VEZT: variants seen among roughly 807,000 people sequenced by gnomAD.
The protein encoded by VEZT is vezatin, adherens junctions transmembrane protein, also known as vezatin.
A neutral mutation model predicts 79.9 loss-of-function variants in VEZT; 39 were observed. The observed-to-expected ratio is 0.49, with a 90% CI of 0.38 to 0.64. The LOEUF (loss-of-function observed/expected upper bound fraction) is 0.64, where lower values mean the gene tolerates loss of function less well. VEZT is among the 30% of genes least tolerant of loss of function. VEZT has a pLI of 0.00. For synonymous variants in VEZT, 325 were observed against 327.6 expected, an observed-to-expected ratio of 0.99 and a Z score of 0.09; for missense variants, 837 against 893.1, an observed-to-expected ratio of 0.94 and a Z score of 0.80.
At chr12:95,240,613 T>C (rs2060882210) in intron 1 of VEZT, among the ~76,000 whole-genome samples, 1 of 152,160 alleles carries the variant, frequency 6.6e-6, no homozygotes. Context: ...ATTATTTTGG[T>C]TTTATATTAG....
At chr12:95,247,451 A>T (rs1368462653) in intron 1 of VEZT, among the ~76,000 whole-genome samples, 1 of 152,196 alleles carries the variant, frequency 6.6e-6, no homozygotes, top group Non-Finnish European at 1.5e-5. Flanking sequence ...AGTGTAAAAC[A>T]ATCTGTTCTT....
intron 9 of VEZT, among the ~76,000 whole-genome samples, chr12:95,291,514 A>G (rs962154064): frequency 6.6e-6 from 1 of 152,218 alleles, no homozygotes; most frequent in Non-Finnish European, 1.5e-5. Context: ...CTTGCAGGCC[A>G]TATGGTGTCT....
At chr12:95,231,020 C>T (rs1280515182) in intron 1 of VEZT, among the ~76,000 whole-genome samples, 2 of 152,012 alleles carry the variant, frequency 1.3e-5, no homozygotes, top group East Asian at 3.8e-4. Context: ...AGATTTTGGA[C>T]GTAGGTAGTA....
In VEZT at chr12:95,285,982, CTTTTTTT is replaced by C. The variant is rs869030351; in HGVS notation, c.1329-1662_1329-1656del. Among the ~76,000 whole-genome samples the C allele has an allele frequency of 6.1e-3, 525 of 85,826 alleles. 5 individuals are homozygous for C. The highest frequency in any genetic ancestry group is 0.021 in the African/African-American group (496 of 24,142). 56.3% of individuals were successfully genotyped at this position (85,826 alleles called of 152,430 possible). A position where few individuals can be genotyped will look rare whatever the true frequency, so the allele number is the denominator to read the frequency against. On this transcript the variant is annotated intron_variant, in intron 8 of 11. Transcript: ENST00000436874. ...ACCAAGACGCTCCCCCCGACCCCTT[CTTTTTTT>C]TTTTTTTTTTTTTTTTTTTGAGATA...
chr12:95,292,612 G>C (rs1313790350), intron 9 of VEZT, among the ~76,000 whole-genome samples: 1 of 148,010 alleles, frequency 6.8e-6, no homozygotes, highest in African/African-American at 2.5e-5. Flanking sequence ...GCAGTGGCGC[G>C]ATCTCGCCTC....
intron 7 of VEZT, 59 bp downstream of exon 7, chr12:95,274,948 T>C (rs1349870460): frequency 6.4e-7 from 1 of 1,562,114 alleles, no homozygotes; most frequent in East Asian, 2.3e-5. Context: ...GGATTGTGTC[T>C]ATGCTTTCTG....
At chr12:95,227,497 C>G (rs2058669396) in intron 1 of VEZT, among the ~76,000 whole-genome samples, 1 of 152,060 alleles carries the variant, frequency 6.6e-6, no homozygotes. Flanking sequence ...CATGCCACCA[C>G]ACCCTGCTAA....
chr12:95,243,839 A>T lies in VEZT; in HGVS notation c.37-8101A>T, dbSNP rs944758512. The T allele has an allele frequency of 2.0e-5, 8 of 405,392 alleles. No individual in the cohort carries two copies. In the Admixed American group the frequency reaches 2.4e-4, roughly 12 times the overall value. The allele number at this position is 405,392 out of a possible 1,614,324, so 25.1% of individuals were successfully genotyped here. Reference sequence around the variant, plus strand: ...AATTAGTTCTCTTGGGAACTGATTAATTCCTGAAAGAGCAGGTTGTTATAA... The same window carrying T: ...AATTAGTTCTCTTGGGAACTGATTATTTCCTGAAAGAGCAGGTTGTTATAA... On this transcript the variant is annotated intron_variant, in intron 1 of 11. Transcript: ENST00000436874.
chr12:95,223,080 G>A (rs1204807716), intron 1 of VEZT, among the ~76,000 whole-genome samples: 1 of 152,098 alleles, frequency 6.6e-6, no homozygotes, highest in Non-Finnish European at 1.5e-5. Context: ...GAAATCCTAG[G>A]TCAGCTATTT....
chr12:95,250,303 A>ATTTTTTTTT (rs202062093), intron 1 of VEZT, among the ~76,000 whole-genome samples: 2 of 116,558 alleles, frequency 1.7e-5, no homozygotes, highest in Non-Finnish European at 1.7e-5. Context: ...TAATTTTTTA[A>ATTTTTTTTT]TTTTTTTTTT....
rs761807780 is a variant in VEZT at position 95,257,246 on chromosome 12, G to A, written c.258+7G>A. The A allele has an allele frequency of 3.1e-6, 5 of 1,596,214 alleles. No individual in the cohort carries two copies. In the South Asian group the frequency reaches 5.7e-5, roughly 18 times the overall value. On this transcript the variant is annotated splice_region_variant and intron_variant, in intron 3 of 11. Transcript: ENST00000436874. ...TGACTTACTTCACAAGTTGGTAAGT[G>A]GTCACTTCTTTTTGCCACTTTTCAG...
At chr12:95,273,614 T>A (rs1344065775) in intron 6 of VEZT, among the ~76,000 whole-genome samples, 2 of 152,322 alleles carry the variant, frequency 1.3e-5, no homozygotes, top group Admixed American at 6.5e-5. Context: ...CAGATCCAGA[T>A]GGTTTTATAG....
intron 10 of VEZT, 45 bp downstream of exon 10, chr12:95,294,417 T>G: frequency 2.8e-6 from 4 of 1,417,788 alleles, no homozygotes; most frequent in Non-Finnish European, 3.9e-6. Flanking sequence ...GATTTCTGTT[T>G]CTAATGAGCT....
At chr12:95,279,175 T>C (rs1218838889) in intron 7 of VEZT, among the ~76,000 whole-genome samples, 1 of 152,250 alleles carries the variant, frequency 6.6e-6, no homozygotes, top group East Asian at 1.9e-4. Flanking sequence ...AATATTTGCA[T>C]TACACATTGA....
Position 95,262,886 on chromosome 12 carries a change from T to A in VEZT, c.259-20T>A. The stretch of plus-strand genomic sequence containing the variant: ...ATTATATATGTGTTAATACCTCTCT[T>A]CTGGTATTTTAATGGCAAGGATATT... On this transcript the variant is annotated intron_variant, in intron 3 of 11. Coordinates refer to ENST00000436874, the MANE Select transcript of VEZT (RefSeq NM_017599.4). The A allele has an allele frequency of 6.4e-7, 1 of 1,557,250 alleles. No individual in the cohort carries two copies. The highest frequency in any genetic ancestry group is 8.7e-7 in the Non-Finnish European group (1 of 1,143,496).
At chr12:95,240,269 T>C (rs1455191267) in intron 1 of VEZT, among the ~76,000 whole-genome samples, 1 of 152,182 alleles carries the variant, frequency 6.6e-6, no homozygotes. Context: ...TATTGAGATA[T>C]CTAACTTTCC....
At chr12:95,235,503 C>T (rs1247296993) in intron 1 of VEZT, among the ~76,000 whole-genome samples, 2 of 138,286 alleles carry the variant, frequency 1.4e-5, no homozygotes, top group African/African-American at 5.4e-5. Context: ...GCAGAGGCGC[C>T]CCTCACCTCC....
At chr12:95,257,040 C>T in intron 2 of VEZT, 110 bp from the exon 3 acceptor site, 2 of 876,214 alleles carry the variant, frequency 2.3e-6, no homozygotes, top group African/African-American at 1.7e-5. Context: ...CAATTTTTTT[C>T]TTCCTTTTCT....
At chr12:95,225,330 G>A (rs918551339) in intron 1 of VEZT, among the ~76,000 whole-genome samples, 7 of 152,058 alleles carry the variant, frequency 4.6e-5, no homozygotes, top group Non-Finnish European at 8.8e-5. Flanking sequence ...CGAGGCGGGC[G>A]GATCACCAGG....
Sources: gnomAD v4.1 joint callset for allele counts (sites outside exome capture counted in the v4.1 genomes callset) on GRCh38, gnomAD v4.1.1 for gene constraint, MANE v1.5 for transcripts, NCBI Gene and HGNC (gene_info 2026-07-23, HGNC 2026-07-21) for gene names.